The following CLMP variants were observed in gnomAD, a reference collection of about 807,000 sequenced individuals.
The protein encoded by CLMP is CXADR like cell adhesion molecule.
In CLMP, 27 loss-of-function variants were observed where a neutral mutation model predicts 45.2. The observed-to-expected ratio is 0.60, with a 90% CI of 0.44 to 0.82. The LOEUF (loss-of-function observed/expected upper bound fraction) is 0.82. CLMP is among the 40% of genes least tolerant of loss of function. CLMP has a pLI of 0.00. For missense variants in CLMP, 403 were observed against 448.4 expected (o/e 0.90, Z 0.91); for synonymous variants, 167 against 171.4 (o/e 0.97, Z 0.20).
In CLMP at chr11:123,111,678, TGG is replaced by T. The variant is rs529989013; in HGVS notation, c.29-13728_29-13727del. Reference sequence around the variant, plus strand: ...ATGGACAAAGAATGACAGACTACTTTGGATTTAAGCTTATAAGCACTTTGCTG... The same window carrying T: ...ATGGACAAAGAATGACAGACTACTTTATTTAAGCTTATAAGCACTTTGCTG... On this transcript the variant is annotated intron_variant, in intron 1 of 6. Coordinates refer to ENST00000448775, the MANE Select transcript of CLMP (RefSeq NM_024769.5). 2.1e-3 allele frequency among the ~76,000 whole-genome samples: 316 copies of T among 152,330 alleles called. 1 individual carries two copies. Among genetic ancestry groups the T allele is most frequent in the Middle Eastern group, 3.4e-3 (1 of 294 alleles).
chr11:123,098,005 G>A lies in CLMP; in HGVS notation c.29-53C>T, dbSNP rs1866010795. 2.1e-5 allele frequency: 29 copies of A among 1,387,486 alleles called. No homozygotes were observed. The South Asian group carries it at 4.7e-4, about 22-fold the overall frequency. 85.9% of individuals were successfully genotyped at this position (1,387,486 alleles called of 1,614,324 possible). A position where few individuals can be genotyped will look rare whatever the true frequency, so the allele number is the denominator to read the frequency against. On this transcript the variant is annotated intron_variant, in intron 1 of 6. Transcript: ENST00000448775. ...ATGCAGAGACTGGATGGCAATGTGT[G>A]GGGAGCAAATATGACAACAAAGAAT...
intron 1 of CLMP, among the ~76,000 whole-genome samples, chr11:123,134,094 T>C (rs1861032302): frequency 6.6e-6 from 1 of 151,952 alleles, no homozygotes; most frequent in South Asian, 2.1e-4. Context: ...ACCCTGTCTC[T>C]ACTAAAAATA....
chr11:123,111,247 C>T (rs1860633707), intron 1 of CLMP, among the ~76,000 whole-genome samples: 2 of 152,064 alleles, frequency 1.3e-5, no homozygotes, highest in African/African-American at 4.8e-5. Flanking sequence ...TCAAGTGCCT[C>T]AGCCTTCCAA....
At chr11:123,178,228 C>T (rs1439143610) in intron 1 of CLMP, among the ~76,000 whole-genome samples, 1 of 152,138 alleles carries the variant, frequency 6.6e-6, no homozygotes, top group South Asian at 2.1e-4. Flanking sequence ...GAGCAATGGC[C>T]TCCATAGCTC....
intron 1 of CLMP, among the ~76,000 whole-genome samples, chr11:123,180,498 C>T (rs191326135): frequency 2.6e-5 from 4 of 151,992 alleles, no homozygotes; most frequent in East Asian, 3.9e-4. Context: ...GACTTCCCAA[C>T]CTCCAGAACT....
intron 1 of CLMP, among the ~76,000 whole-genome samples, chr11:123,126,040 T>C (rs11218998): frequency 0.23 from 34,331 of 152,148 alleles, 4,183 homozygotes; most frequent in Non-Finnish European, 0.27. Flanking sequence ...ACACTGCTCA[T>C]TGCCTCACCC....
chr11:123,161,942 A>G (rs1861493255), intron 1 of CLMP, among the ~76,000 whole-genome samples: 1 of 152,204 alleles, frequency 6.6e-6, no homozygotes, highest in African/African-American at 2.4e-5. Flanking sequence ...CCTCATGTAC[A>G]ATATGAGGCT....
At chr11:123,118,534 T>A (rs144000861) in intron 1 of CLMP, among the ~76,000 whole-genome samples, 5 of 152,340 alleles carry the variant, frequency 3.3e-5, no homozygotes, top group African/African-American at 1.2e-4. Context: ...TTGGAGCTTC[T>A]TTTCTGCCAG....
intron 1 of CLMP, among the ~76,000 whole-genome samples, chr11:123,186,209 G>C (rs1861832918): frequency 6.6e-6 from 1 of 152,184 alleles, no homozygotes; most frequent in Non-Finnish European, 1.5e-5. Flanking sequence ...AATCTCACAG[G>C]TTGTTTAAGA....
At chr11:123,114,861 T>C (rs1860698539) in intron 1 of CLMP, among the ~76,000 whole-genome samples, 1 of 152,148 alleles carries the variant, frequency 6.6e-6, no homozygotes, top group Non-Finnish European at 1.5e-5. Flanking sequence ...AAAGATTAAC[T>C]TGCCCAAGAT....
intron 1 of CLMP, among the ~76,000 whole-genome samples, chr11:123,169,173 G>A (rs4936782): frequency 0.026 from 3,941 of 152,250 alleles, 141 homozygotes; most frequent in Admixed American, 0.095. Flanking sequence ...GTGCAAAGAG[G>A]AAGAGATTTT....
At chr11:123,097,773 C>T (rs758053993) in intron 2 of CLMP, 22 bp downstream of exon 2, 19 of 1,534,590 alleles carry the variant, frequency 1.2e-5, no homozygotes, top group Non-Finnish European at 9.7e-6. Context: ...GGAGGAGGGA[C>T]TCCAGCCAGG....
intron 1 of CLMP, 150 bp from the exon 2 acceptor site, chr11:123,098,102 C>G: frequency 2.0e-6 from 1 of 503,156 alleles, no homozygotes; most frequent in Non-Finnish European, 3.3e-6. Flanking sequence ...ACTAGAAGTC[C>G]TGGTCTCACA....
At chr11:123,104,902 A>G (rs1231625458) in intron 1 of CLMP, among the ~76,000 whole-genome samples, 2 of 152,224 alleles carry the variant, frequency 1.3e-5, no homozygotes, top group African/African-American at 4.8e-5. Flanking sequence ...TCACGTCACA[A>G]AACTAATTAG....
At chr11:123,098,701 A>ATTT (rs1156546713) in intron 1 of CLMP, among the ~76,000 whole-genome samples, 13 of 112,644 alleles carry the variant, frequency 1.2e-4, no homozygotes, top group Admixed American at 1.9e-4. Context: ...ATCCTGGCTA[A>ATTT]TTTTTTTTTT....
chr11:123,132,442 G>A (rs1861003853), intron 1 of CLMP, among the ~76,000 whole-genome samples: 1 of 151,588 alleles, frequency 6.6e-6, no homozygotes, highest in African/African-American at 2.4e-5. Flanking sequence ...TCTTATTTTT[G>A]TCTCTCTCAT....
chr11:123,162,536 C>T (rs909470350), intron 1 of CLMP, among the ~76,000 whole-genome samples: 1 of 152,130 alleles, frequency 6.6e-6, no homozygotes, highest in South Asian at 2.1e-4. Context: ...AGCAAGACAC[C>T]GTCAGAGGTG....
intron 1 of CLMP, among the ~76,000 whole-genome samples, chr11:123,098,384 C>T (rs1866014875): frequency 6.6e-6 from 1 of 151,980 alleles, no homozygotes; most frequent in Non-Finnish European, 1.5e-5. Context: ...CATGCCACCA[C>T]ACCCAGCTAA....
chr11:123,126,484 C>T (rs1860897002), intron 1 of CLMP, among the ~76,000 whole-genome samples: 1 of 152,090 alleles, frequency 6.6e-6, no homozygotes, highest in Admixed American at 6.6e-5. Context: ...GTCTTGAACT[C>T]CTGGACTCAA....
Sources: gnomAD v4.1 joint callset for allele counts (sites outside exome capture counted in the v4.1 genomes callset) on GRCh38, gnomAD v4.1.1 for gene constraint, MANE v1.5 for transcripts, NCBI Gene and HGNC (gene_info 2026-07-23, HGNC 2026-07-21) for gene names.